PLEKHB2: variants seen among roughly 807,000 people sequenced by gnomAD.
PLEKHB2 encodes pleckstrin homology domain-containing family B member 2.
PLEKHB2 carries 31 observed loss-of-function variants against 36.5 expected under a neutral mutation model. The ratio of observed to expected loss-of-function variants is 0.85; its 90% CI spans 0.64 to 1.15. PLEKHB2 has a LOEUF of 1.15. PLEKHB2 is among the 50% of genes most tolerant of loss of function. PLEKHB2 has a pLI of 0.00. For synonymous variants in PLEKHB2, 119 were observed against 112.0 expected, an observed-to-expected ratio of 1.06 and a Z score of -0.39; for missense variants, 262 against 295.3, an observed-to-expected ratio of 0.89 and a Z score of 0.83.
At chr2:131,134,151 G>A (rs1698001575) in intron 6 of PLEKHB2, among the ~76,000 whole-genome samples, 5 of 151,886 alleles carry the variant, frequency 3.3e-5, no homozygotes, top group South Asian at 4.2e-4. Flanking sequence ...CGCCCACCTC[G>A]GCCTCCCAAA....
intron 6 of PLEKHB2, 64 bp downstream of exon 6, chr2:131,133,055 T>C: frequency 2.9e-6 from 3 of 1,037,918 alleles, no homozygotes; most frequent in Non-Finnish European, 4.5e-6. Context: ...TCCTGCTTTG[T>C]TTTGTTTTTT....
chr2:131,120,997 G>C lies in PLEKHB2; in HGVS notation c.37+19G>C. Reference sequence around the variant, plus strand: ...CGACAGAGTGAGTACAGGATGTGCGGTCTGCGATCGGCATTGCCGAAGGGC... The same window carrying C: ...CGACAGAGTGAGTACAGGATGTGCGCTCTGCGATCGGCATTGCCGAAGGGC... On this transcript the variant is annotated intron_variant, in intron 2 of 7. Coordinates refer to ENST00000693505, the MANE Select transcript of PLEKHB2 (RefSeq NM_001100623.2). 1 of 1,612,472 alleles carries C rather than the reference G, an allele frequency of 6.2e-7. No individual in the cohort carries two copies. Among genetic ancestry groups the C allele is most frequent in the Non-Finnish European group, 8.5e-7 (1 of 1,178,628 alleles).
At chr2:131,115,682 A>AGC (rs1695803334) in intron 1 of PLEKHB2, among the ~76,000 whole-genome samples, 1 of 152,094 alleles carries the variant, frequency 6.6e-6, no homozygotes, top group Non-Finnish European at 1.5e-5. Context: ...AACACATTCT[A>AGC]CTGTAATATA....
intron 7 of PLEKHB2, among the ~76,000 whole-genome samples, chr2:131,143,285 G>T (rs906807895): frequency 2.0e-5 from 3 of 152,176 alleles, no homozygotes; most frequent in African/African-American, 4.8e-5. Flanking sequence ...ATGTCAGAAG[G>T]CATAGACATT....
intron 1 of PLEKHB2, among the ~76,000 whole-genome samples, chr2:131,105,640 CA>C (rs1255330742): frequency 6.6e-6 from 1 of 152,074 alleles, no homozygotes; most frequent in Non-Finnish European, 1.5e-5. Flanking sequence ...TAGAGCAGCC[CA>C]TTCGAGAGCC....
intron 1 of PLEKHB2, among the ~76,000 whole-genome samples, chr2:131,105,757 C>T (rs1263035775): frequency 1.3e-5 from 2 of 152,176 alleles, no homozygotes; most frequent in Non-Finnish European, 2.9e-5. Flanking sequence ...GCGGACCCTC[C>T]TCCTTTCCCG....
intron 1 of PLEKHB2, chr2:131,107,483 G>C (rs553131729): frequency 6.6e-6 from 1 of 152,280 alleles, no homozygotes; most frequent in East Asian, 1.9e-4. Context: ...ACATCTCTTT[G>C]ACTCTCCACT....
At chr2:131,142,827 AT>A (rs1335479388) in intron 7 of PLEKHB2, among the ~76,000 whole-genome samples, 1 of 151,992 alleles carries the variant, frequency 6.6e-6, no homozygotes, top group African/African-American at 2.4e-5. Flanking sequence ...AAGTGCTGGG[AT>A]TACAGGTGTG....
chr2:131,137,168 C>T (rs563887658), intron 6 of PLEKHB2, among the ~76,000 whole-genome samples: 15 of 149,148 alleles, frequency 1.0e-4, no homozygotes, highest in East Asian at 1.9e-4. Flanking sequence ...AGGACGGTCT[C>T]GATCTCCTGA....
chr2:131,120,904 A>G (rs1696445796), intron 1 of PLEKHB2, 30 bp from the exon 2 acceptor site: 1 of 1,611,752 alleles, frequency 6.2e-7, no homozygotes, highest in Non-Finnish European at 8.5e-7. Context: ...TCTGGGTATG[A>G]TTTTGAACCT....
intron 1 of PLEKHB2, chr2:131,107,786 C>T (rs551054328): frequency 1.3e-5 from 2 of 152,260 alleles, no homozygotes; most frequent in East Asian, 3.8e-4. Context: ...CCTCTGCCCC[C>T]CAAATAGCTG....
At chr2:131,116,688 A>C (rs1695916577) in intron 1 of PLEKHB2, among the ~76,000 whole-genome samples, 1 of 152,188 alleles carries the variant, frequency 6.6e-6, no homozygotes, top group African/African-American at 2.4e-5. Flanking sequence ...TGGGGATTAC[A>C]ATTCCACATG....
chr2:131,133,143 A>G, intron 6 of PLEKHB2, 152 bp downstream of exon 6: 1 of 613,082 alleles, frequency 1.6e-6, no homozygotes, highest in Non-Finnish European at 3.0e-6. Flanking sequence ...TTTTCATGAA[A>G]TGAAGCAACT....
chr2:131,145,932 C>G (rs1318213695), intron 7 of PLEKHB2, among the ~76,000 whole-genome samples: 1 of 152,080 alleles, frequency 6.6e-6, no homozygotes, highest in Non-Finnish European at 1.5e-5. Flanking sequence ...CCTGTAATCT[C>G]AGCACTTTGG....
rs1249489352 is a variant in PLEKHB2, at chr2:131,148,768, C to T, written c.*1995C>T. On this transcript the variant is annotated 3_prime_UTR_variant, in exon 8 of 8. Coordinates refer to ENST00000693505, the MANE Select transcript of PLEKHB2 (RefSeq NM_001100623.2). ...TCATCTCTGAATAGATGTATGACAA[C>T]TCTAGTGTCCATGGTTTAAAATGTT... is the stretch of plus-strand genomic sequence containing the variant. 6.6e-6 allele frequency: 1 copy of T among 152,218 alleles called. No individual in the cohort carries two copies. Among genetic ancestry groups the T allele is most frequent in the Non-Finnish European group, 1.5e-5 (1 of 68,046 alleles). The allele number at this position is 152,218 out of a possible 1,614,324, so 9.4% of individuals were successfully genotyped here.
At position 131,125,894 on chromosome 2, in the gene PLEKHB2, A is replaced by C; in HGVS notation, c.179A>C (p.Gln60Pro). 1 of 1,612,800 alleles carries C rather than the reference A, an allele frequency of 6.2e-7. No individual in the cohort carries two copies. The highest frequency in any genetic ancestry group is 1.7e-5 in the Admixed American group (1 of 59,942). ...GACTGCATCAACATCCGCACGGGGC[A>C]GGAATGTCGGGGTAAGCTGGCCTGT... ...PMDCINIRTG[Q>P]ECRDTQPPDG... The change falls in exon 3 of 8, where the codon CAG (glutamine) becomes CCG (proline). Residue 60 changes from glutamine to proline, a missense_variant. Transcript: ENST00000693505.
At chr2:131,125,238 G>A (rs903177572) in intron 2 of PLEKHB2, among the ~76,000 whole-genome samples, 1 of 152,200 alleles carries the variant, frequency 6.6e-6, no homozygotes, top group Non-Finnish European at 1.5e-5. Context: ...TACTGTATGA[G>A]GAATTAAATG....
intron 1 of PLEKHB2, among the ~76,000 whole-genome samples, chr2:131,106,684 C>T (rs1241051739): frequency 1.3e-5 from 2 of 152,032 alleles, no homozygotes; most frequent in African/African-American, 4.8e-5. Flanking sequence ...AGGACTGGAG[C>T]TTGTCTGGGC....
chr2:131,131,084 C>T (rs1488770408), intron 5 of PLEKHB2, among the ~76,000 whole-genome samples: 3 of 152,198 alleles, frequency 2.0e-5, no homozygotes, highest in Admixed American at 6.5e-5. Context: ...CCACCACACC[C>T]GGCCACCAGT....
Sources: gnomAD v4.1 joint callset for allele counts (sites outside exome capture counted in the v4.1 genomes callset) on GRCh38, gnomAD v4.1.1 for gene constraint, MANE v1.5 for transcripts, NCBI Gene and HGNC (gene_info 2026-07-23, HGNC 2026-07-21) for gene names.